ARHGEF10L: variants seen among roughly 807,000 people sequenced by gnomAD.
ARHGEF10L encodes the protein rho guanine nucleotide exchange factor 10-like protein.
ARHGEF10L carries 69 observed loss-of-function variants against 141.2 expected under a neutral mutation model. The ratio of observed to expected loss-of-function variants is 0.49; its 90% confidence interval spans 0.40 to 0.60. The LOEUF (loss-of-function observed/expected upper bound fraction) is 0.60, where lower values mean the gene tolerates loss of function less well. ARHGEF10L is among the 20% of genes least tolerant of loss of function. ARHGEF10L has a pLI of 0.00. For synonymous variants in ARHGEF10L, 711 were observed against 718.5 expected (o/e 0.99, Z 0.17); for missense variants, 1,482 against 1,734.3 (o/e 0.85, Z 2.58).
chr1:17,597,155 C>A (rs894834532), intron 4 of ARHGEF10L, among the ~76,000 whole-genome samples: 1 of 152,172 alleles, frequency 6.6e-6, no homozygotes, highest in Non-Finnish European at 1.5e-5. Context: ...CTGCCCCTCA[C>A]CATGGATTCA....
Position 17,656,793 on chromosome 1 carries a change from G to C in ARHGEF10L, c.2860+85G>C. On this transcript the variant is annotated intron_variant, in intron 25 of 28. Coordinates refer to ENST00000361221, the MANE Select transcript of ARHGEF10L (RefSeq NM_018125.4). The surrounding 1 kb of genome is among the most constrained non-coding windows in gnomAD (Gnocchi z 4.9). ...TTCTCTACCAAGAGAGGATACAGGA[G>C]GCTGGGCAGGAATGAATTGGGAAAT... The C allele has an allele frequency of 6.7e-7, 1 of 1,484,114 alleles. No homozygotes were observed. Among genetic ancestry groups the C allele is most frequent in the East Asian group, 2.3e-5 (1 of 42,764 alleles). The allele number at this position is 1,484,114 out of a possible 1,614,324, so 91.9% of individuals were successfully genotyped here.
Position 17,558,271 on chromosome 1 carries a change from A to G in ARHGEF10L, c.-44+18321A>G, listed in dbSNP as rs979590724. On this transcript the variant is annotated intron_variant, in intron 1 of 28. Coordinates refer to ENST00000361221, the MANE Select transcript of ARHGEF10L (RefSeq NM_018125.4). The surrounding 1 kb of genome is among the most constrained non-coding windows in gnomAD (Gnocchi z 4.2). ...CATCCACCTACTCATTCATTCATCT[A>G]TCCATCCACCCACCCGCCCATTTAT... is the stretch of plus-strand genomic sequence containing the variant. Among the ~76,000 whole-genome samples the G allele has an allele frequency of 3.5e-4, 52 of 150,580 alleles. No homozygotes were observed. The highest frequency in any genetic ancestry group is 2.1e-3 in the Admixed American group (32 of 15,180).
intron 2 of ARHGEF10L, among the ~76,000 whole-genome samples, chr1:17,586,774 G>A (rs563147726): frequency 1.3e-5 from 2 of 152,144 alleles, no homozygotes; most frequent in Non-Finnish European, 2.9e-5. Flanking sequence ...CTGTAGTAGG[G>A]TAGGCGGGGA....
At position 17,634,951 on chromosome 1, in the gene ARHGEF10L, A is replaced by G. The variant is rs763892152; in HGVS notation, c.1862A>G (p.Asp621Gly). 2.5e-6 allele frequency: 4 copies of G among 1,614,090 alleles called. No individual in the cohort carries two copies. Among genetic ancestry groups the G allele is most frequent in the Non-Finnish European group, 3.4e-6 (4 of 1,179,980 alleles). The change falls in exon 18 of 29, where the codon GAC becomes GGC. Residue 621 changes from aspartate to glycine, a missense_variant. By Grantham distance (94) the Asp-to-Gly change is moderately conservative. This residue lies in a region of ARHGEF10L where 858 missense variants were observed against 966.3 expected (regional missense o/e 0.89). Coordinates refer to ENST00000361221, the MANE Select transcript of ARHGEF10L (RefSeq NM_018125.4). ...GTGGGCCAGGACGGTGGCACCTATG[A>G]CAAGGACAATGTGCTCATCCAGCAC... is the stretch of plus-strand genomic sequence containing the variant. ...VEVGQDGGTYDKDNVLIQHSG... is the reference protein window; with the variant it reads ...VEVGQDGGTYGKDNVLIQHSG...
chr1:17,515,215 G>C, the ARHGEF10L span, among the ~76,000 whole-genome samples: 1 of 152,128 alleles, frequency 6.6e-6, no homozygotes, highest in Non-Finnish European at 1.5e-5. Context: ...CAGAAGTGTG[G>C]GAGAGGGTGC....
intron 26 of ARHGEF10L, among the ~76,000 whole-genome samples, chr1:17,672,228 A>C (rs555721111): frequency 9.8e-4 from 113 of 115,780 alleles, no homozygotes; most frequent in African/African-American, 3.6e-3. Context: ...CTTAATTTTC[A>C]TGTTTAGTGC....
intron 27 of ARHGEF10L, among the ~76,000 whole-genome samples, chr1:17,693,309 C>G (rs1040372351): frequency 9.9e-5 from 15 of 152,218 alleles, no homozygotes; most frequent in African/African-American, 3.1e-4. Flanking sequence ...AGACAGGACT[C>G]TATGTACATG....
chr1:17,638,192 C>T lies in ARHGEF10L; in HGVS notation c.2043+189C>T, dbSNP rs555823413. 1.6e-4 allele frequency among the ~76,000 whole-genome samples: 25 copies of T among 152,352 alleles called. No homozygotes were observed. In the South Asian group the frequency reaches 3.5e-3, roughly 21 times the overall value. On this transcript the variant is annotated intron_variant, in intron 19 of 28. Coordinates refer to ENST00000361221, the MANE Select transcript of ARHGEF10L (RefSeq NM_018125.4). ...CCTGCCTGGAAGTCTCTTTTGCGGCCGCTGGTTCGGGCGCATCCTCTGGTT... is the reference window on the plus strand; with the variant it reads ...CCTGCCTGGAAGTCTCTTTTGCGGCTGCTGGTTCGGGCGCATCCTCTGGTT...
intron 26 of ARHGEF10L, among the ~76,000 whole-genome samples, chr1:17,667,365 C>T (rs919775691): frequency 2.0e-5 from 3 of 151,990 alleles, no homozygotes; most frequent in South Asian, 2.1e-4. Context: ...TCCAGTCTAA[C>T]GGAGGAGGCA....
intron 26 of ARHGEF10L, among the ~76,000 whole-genome samples, chr1:17,671,893 G>C (rs925770750): frequency 6.6e-6 from 1 of 152,250 alleles, no homozygotes; most frequent in Non-Finnish European, 1.5e-5. Flanking sequence ...GCTCAGTAAA[G>C]GGTGGTTAAG....
At chr1:17,590,959 C>G (rs1036928833) in intron 4 of ARHGEF10L, among the ~76,000 whole-genome samples, 2 of 152,210 alleles carry the variant, frequency 1.3e-5, no homozygotes, top group Non-Finnish European at 2.9e-5. Context: ...TTCACTCCAG[C>G]CTGTGTGACA....
intron 1 of ARHGEF10L, among the ~76,000 whole-genome samples, chr1:17,555,888 C>T (rs113688949): frequency 2.6e-5 from 4 of 152,156 alleles, no homozygotes; most frequent in Admixed American, 2.0e-4. Context: ...AACCACCCTG[C>T]CTTTGTGGGG....
In ARHGEF10L at chr1:17,587,571, T is replaced by G. The variant is rs1462678462; in HGVS notation, c.149T>G (p.Leu50Arg). The change falls in exon 3 of 29, where the codon CTG (leucine) becomes CGG (arginine). Residue 50 changes from leucine to arginine, a missense_variant. Transcript: ENST00000361221. ...SDDEEDTSAA[L>R]GVPSLAPERD... ...GATGAAGAGGACACCAGCGCAGCCC[T>G]GGGCGTCCCCAGCCTTGCTCCTGAG... The G allele has an allele frequency of 1.2e-6, 2 of 1,614,052 alleles. No homozygotes were observed. Among genetic ancestry groups the G allele is most frequent in the East Asian group, 2.2e-5 (1 of 44,882 alleles).
intron 27 of ARHGEF10L, chr1:17,691,162 A>G: frequency 4.4e-6 from 2 of 455,916 alleles, no homozygotes; most frequent in Middle Eastern, 3.3e-4. Flanking sequence ...TGAGCTTTTT[A>G]AAGTTGTATA....
chr1:17,532,237 C>G, the ARHGEF10L span, among the ~76,000 whole-genome samples: 1 of 152,204 alleles, frequency 6.6e-6, no homozygotes, highest in African/African-American at 2.4e-5. Flanking sequence ...GCCCTGTCTG[C>G]TGTCAGCTGA....
At chr1:17,690,040 T>A in intron 27 of ARHGEF10L, 1 of 356,602 alleles carries the variant, frequency 2.8e-6, no homozygotes, top group South Asian at 2.1e-5. Context: ...GAGGGCCAGG[T>A]AAACTGGGGC....
chr1:17,675,396 C>A (rs971844755), intron 26 of ARHGEF10L, among the ~76,000 whole-genome samples: 3 of 152,136 alleles, frequency 2.0e-5, no homozygotes, highest in Admixed American at 6.5e-5. Flanking sequence ...TAAGCACGGG[C>A]AAATGGGTGC....
Position 17,602,215 on chromosome 1 carries a change from C to T in ARHGEF10L, c.346C>T (p.Arg116Cys), listed in dbSNP as rs757696774. The T allele has an allele frequency of 1.2e-5, 19 of 1,567,260 alleles. No homozygotes were observed. The highest frequency in any genetic ancestry group is 3.5e-5 in the South Asian group (3 of 85,206). Residue 116 changes from arginine (R) to cysteine (C), a missense_variant, in exon 5 of 29, where the codon CGC (arginine) becomes TGC (cysteine). Coordinates refer to ENST00000361221, the MANE Select transcript of ARHGEF10L (RefSeq NM_018125.4). ...CAGCTGGAAGCGGAAGAGTTCCCGT[C>T]GCAGTAAGTCTCCCCTCCGGCCCAC... is the stretch of plus-strand genomic sequence containing the variant. ...HSSWKRKSSR[R>C]IDRFTFPALE...
At chr1:17,671,911 G>C (rs935864413) in intron 26 of ARHGEF10L, among the ~76,000 whole-genome samples, 10 of 152,350 alleles carry the variant, frequency 6.6e-5, no homozygotes, top group African/African-American at 2.4e-4. Flanking sequence ...AAGGCCAGAA[G>C]CCCCTCAGGG....
Sources: gnomAD v4.1 joint callset for allele counts (sites outside exome capture counted in the v4.1 genomes callset) on GRCh38, gnomAD v4.1.1 for gene constraint, gnomAD v4.1.1 regional missense constraint, Gnocchi (gnomAD v3.1) non-coding constraint, MANE v1.5 for transcripts, NCBI Gene and HGNC (gene_info 2026-07-23, HGNC 2026-07-21) for gene names.